The following ARHGAP24 variants were observed in gnomAD, a reference collection of about 807,000 sequenced individuals.
ARHGAP24 encodes the protein rho GTPase-activating protein 24.
ARHGAP24 carries 50 observed loss-of-function variants against 76.4 expected under a neutral mutation model. The ratio of observed to expected loss-of-function variants is 0.65; its 90% CI spans 0.52 to 0.83. ARHGAP24 has a LOEUF of 0.83. Ranked by LOEUF, ARHGAP24 falls within the 40% of genes least tolerant of loss-of-function variation. The pLI is 0.00. For synonymous variants in ARHGAP24, 345 were observed against 323.3 expected (o/e 1.07, Z -0.72); for missense variants, 930 against 914.2 (o/e 1.02, Z -0.22).
chr4:85,926,188 G>T (rs1399384456), intron 4 of ARHGAP24, among the ~76,000 whole-genome samples: 1 of 152,044 alleles, frequency 6.6e-6, no homozygotes, highest in African/African-American at 2.4e-5. Context: ...AACCTGGAAG[G>T]GACACTCAAA....
chr4:85,660,893 C>T (rs1479902567), intron 2 of ARHGAP24, among the ~76,000 whole-genome samples: 1 of 150,486 alleles, frequency 6.6e-6, no homozygotes, highest in Non-Finnish European at 1.5e-5. Context: ...AATTTGTAGC[C>T]GATTTGGTAT....
chr4:85,728,713 G>A (rs1484871354), intron 3 of ARHGAP24, among the ~76,000 whole-genome samples: 1 of 152,126 alleles, frequency 6.6e-6, no homozygotes, highest in African/African-American at 2.4e-5. Flanking sequence ...GGCCAGCTGA[G>A]AAATAAATAG....
intron 3 of ARHGAP24, among the ~76,000 whole-genome samples, chr4:85,847,226 A>G (rs1730942570): frequency 6.6e-6 from 1 of 152,200 alleles, no homozygotes; most frequent in Admixed American, 6.5e-5. Flanking sequence ...TTTTTTAACC[A>G]CTAGAAATTT....
intron 1 of ARHGAP24, among the ~76,000 whole-genome samples, chr4:85,564,405 A>AT (rs1365504347): frequency 2.6e-4 from 33 of 126,628 alleles, no homozygotes; most frequent in Admixed American, 1.3e-3. Context: ...GGGTGGGGGG[A>AT]GCGGGGGGGA....
chr4:85,710,043 A>G (rs754346544), intron 2 of ARHGAP24, among the ~76,000 whole-genome samples: 31 of 152,316 alleles, frequency 2.0e-4, no homozygotes, highest in Non-Finnish European at 4.0e-4. Flanking sequence ...AACTAAAAAA[A>G]GAGCCCAAAT....
chr4:85,481,457 C>G (rs1722812986), intron 1 of ARHGAP24, among the ~76,000 whole-genome samples: 1 of 152,258 alleles, frequency 6.6e-6, no homozygotes, highest in Admixed American at 6.5e-5. Flanking sequence ...CCTTGGAGCT[C>G]TCTTGCAGGT....
intron 8 of ARHGAP24, among the ~76,000 whole-genome samples, chr4:85,981,282 GA>G (rs1165488278): frequency 4.6e-5 from 7 of 152,176 alleles, no homozygotes; most frequent in Non-Finnish European, 1.0e-4. Flanking sequence ...TTCACTTCAA[GA>G]AATACAGCTG....
chr4:85,734,573 T>A (rs929619501), intron 3 of ARHGAP24, among the ~76,000 whole-genome samples: 1 of 150,962 alleles, frequency 6.6e-6, no homozygotes, highest in Non-Finnish European at 1.5e-5. Flanking sequence ...GCAAGGGGTG[T>A]CAAGGCAGGC....
At chr4:85,485,116 C>A (rs972213173) in intron 1 of ARHGAP24, among the ~76,000 whole-genome samples, 16 of 150,768 alleles carry the variant, frequency 1.1e-4, no homozygotes, top group Non-Finnish European at 1.9e-4. Flanking sequence ...GAGGCCAAGG[C>A]GGGTGGATCA....
At chr4:85,939,760 T>C (rs2148823649) in intron 4 of ARHGAP24, among the ~76,000 whole-genome samples, 1 of 152,304 alleles carries the variant, frequency 6.6e-6, no homozygotes, top group East Asian at 1.9e-4. Context: ...TTCATTACCG[T>C]ACAAACCCAA....
chr4:85,864,064 G>A (rs369069272), intron 3 of ARHGAP24, among the ~76,000 whole-genome samples: 6 of 152,188 alleles, frequency 3.9e-5, no homozygotes, highest in African/African-American at 1.4e-4. Context: ...CTTTCCAGTT[G>A]ATTGGAGCCA....
Position 85,977,160 on chromosome 4 carries a change from A to T in ARHGAP24, c.807-410A>T, listed in dbSNP as rs1352697515. Among the ~76,000 whole-genome samples, 3 of 152,148 alleles carry T rather than the reference A, an allele frequency of 2.0e-5. No individual in the cohort carries two copies. In the East Asian group the frequency reaches 5.8e-4, roughly 29 times the overall value. On this transcript the variant is annotated intron_variant, in intron 7 of 9. Transcript: ENST00000395184. Reference sequence around the variant, plus strand: ...ACAAATTACTCCACAAAAAGGGTTAATTCCTCCTGTCTAAAGAAGGCATCC... The same window carrying T: ...ACAAATTACTCCACAAAAAGGGTTATTTCCTCCTGTCTAAAGAAGGCATCC...
At chr4:85,988,169 G>T (rs1031140130) in intron 8 of ARHGAP24, among the ~76,000 whole-genome samples, 2 of 151,826 alleles carry the variant, frequency 1.3e-5, no homozygotes, top group Admixed American at 1.3e-4. Flanking sequence ...TGTACTACAA[G>T]AAACGTTAAA....
intron 1 of ARHGAP24, among the ~76,000 whole-genome samples, chr4:85,540,400 A>G (rs1725630608): frequency 6.6e-6 from 1 of 152,196 alleles, no homozygotes; most frequent in Non-Finnish European, 1.5e-5. Flanking sequence ...CAGTTGGCTA[A>G]TTTCTTCTCA....
intron 1 of ARHGAP24, among the ~76,000 whole-genome samples, chr4:85,507,282 TGCGATC>T (rs1724093787): frequency 6.6e-6 from 1 of 152,108 alleles, no homozygotes; most frequent in Non-Finnish European, 1.5e-5. Flanking sequence ...AGTGCAGTGG[TGCGATC>T]ATGGCTCACT....
chr4:85,903,371 G>T (rs1301391255), intron 3 of ARHGAP24, among the ~76,000 whole-genome samples: 1 of 151,972 alleles, frequency 6.6e-6, no homozygotes, highest in South Asian at 2.1e-4. Flanking sequence ...TGAGCTTTTA[G>T]TTTTTTTGTT....
chr4:85,894,285 C>T (rs763345568), intron 3 of ARHGAP24, among the ~76,000 whole-genome samples: 1 of 151,946 alleles, frequency 6.6e-6, no homozygotes, highest in Non-Finnish European at 1.5e-5. Flanking sequence ...ACCAAGCTTA[C>T]AGGAGCAAAT....
intron 3 of ARHGAP24, among the ~76,000 whole-genome samples, chr4:85,870,873 A>G (rs1732487817): frequency 6.6e-6 from 1 of 152,086 alleles, no homozygotes; most frequent in Non-Finnish European, 1.5e-5. Context: ...GTGGCAGTGT[A>G]CTCTGTTTTA....
intron 4 of ARHGAP24, among the ~76,000 whole-genome samples, chr4:85,927,345 G>C (rs896486852): frequency 2.0e-5 from 3 of 151,998 alleles, no homozygotes; most frequent in African/African-American, 7.3e-5. Flanking sequence ...GGGGATGAGG[G>C]GGTGATGGAG....
Sources: allele counts gnomAD v4.1 joint callset (sites outside exome capture counted in the v4.1 genomes callset), GRCh38; gene constraint gnomAD v4.1.1; transcripts MANE v1.5; gene names NCBI Gene and HGNC (gene_info 2026-07-23, HGNC 2026-07-21).